The following LRRC4C variants were observed in gnomAD, a reference collection of about 807,000 sequenced individuals.
LRRC4C encodes leucine-rich repeat-containing protein 4C.
Under a neutral mutation model 33.6 loss-of-function variants are expected in LRRC4C, and 5 were observed. The observed-to-expected ratio is 0.15, with a 90% CI of 0.08 to 0.31. LRRC4C has a LOEUF of 0.31. Among genes scored for constraint, LRRC4C ranks in the 10% least tolerant of loss-of-function variants. The pLI is 1.00. For missense variants in LRRC4C, 560 were observed against 796.7 expected, an observed-to-expected ratio of 0.70 and a Z score of 3.58; for synonymous variants, 329 against 302.0, an observed-to-expected ratio of 1.09 and a Z score of -0.93.
At chr11:40,378,610 A>G (rs1223752430) in intron 3 of LRRC4C, among the ~76,000 whole-genome samples, 1 of 152,068 alleles carries the variant, frequency 6.6e-6, no homozygotes, top group Non-Finnish European at 1.5e-5. Flanking sequence ...AGCTTTGTGG[A>G]GTAGTGAATG....
At position 41,277,332 on chromosome 11, in the gene LRRC4C, T is replaced by C. The variant is rs1280398162; in HGVS notation, c.-496+182099A>G. 3.9e-5 allele frequency among the ~76,000 whole-genome samples: 6 copies of C among 152,188 alleles called. No homozygotes were observed. In the East Asian group the frequency reaches 9.6e-4, roughly 24 times the overall value. On this transcript the variant is annotated intron_variant, in intron 1 of 6. Coordinates refer to ENST00000528697, the MANE Select transcript of LRRC4C (RefSeq NM_001258419.2). ...GATCTTCTGATAAACTGAATATTAT[T>C]TGCCATTACACTCAATTTTTAAATC...
At chr11:41,050,585 T>A (rs1482595904) in intron 1 of LRRC4C, among the ~76,000 whole-genome samples, 1 of 152,148 alleles carries the variant, frequency 6.6e-6, no homozygotes, top group African/African-American at 2.4e-5. Context: ...GAATGATGGT[T>A]TCCAGCTTCA....
intron 2 of LRRC4C, among the ~76,000 whole-genome samples, chr11:40,783,261 G>A (rs1235576065): frequency 2.0e-5 from 3 of 151,236 alleles, no homozygotes; most frequent in East Asian, 3.9e-4. Flanking sequence ...ATTTGGCTAA[G>A]TGAGCACTGT....
chr11:40,315,001 T>C (rs1945505637), intron 4 of LRRC4C, among the ~76,000 whole-genome samples: 1 of 152,026 alleles, frequency 6.6e-6, no homozygotes, highest in African/African-American at 2.4e-5. Context: ...ATCGGACAAC[T>C]GTAGTTAACA....
intron 1 of LRRC4C, among the ~76,000 whole-genome samples, chr11:41,235,491 C>T (rs1238823647): frequency 6.6e-6 from 1 of 152,054 alleles, no homozygotes; most frequent in Non-Finnish European, 1.5e-5. Flanking sequence ...ACTTAGTAGG[C>T]AAGCAACATT....
chr11:40,305,617 A>G (rs1056424688), intron 4 of LRRC4C, among the ~76,000 whole-genome samples: 1 of 152,120 alleles, frequency 6.6e-6, no homozygotes, highest in Non-Finnish European at 1.5e-5. Flanking sequence ...TACAAAAAAA[A>G]AAAAAAGGAA....
At chr11:41,223,640 C>A (rs531156387) in intron 1 of LRRC4C, among the ~76,000 whole-genome samples, 1 of 152,282 alleles carries the variant, frequency 6.6e-6, no homozygotes, top group African/African-American at 2.4e-5. Flanking sequence ...TTTCTGCCTG[C>A]AGATTGCCTG....
At chr11:41,021,191 GA>G (rs1855945518) in intron 1 of LRRC4C, among the ~76,000 whole-genome samples, 2 of 148,212 alleles carry the variant, frequency 1.3e-5, no homozygotes, top group African/African-American at 5.0e-5. Flanking sequence ...GAGAGAGAGA[GA>G]GAGAGAGAGA....
At chr11:40,912,063 C>A (rs889939273) in intron 2 of LRRC4C, among the ~76,000 whole-genome samples, 3 of 152,180 alleles carry the variant, frequency 2.0e-5, no homozygotes, top group African/African-American at 4.8e-5. Flanking sequence ...ACCAAATCTA[C>A]ATCTGATTAG....
chr11:40,331,470 A>G (rs756288914), intron 3 of LRRC4C, among the ~76,000 whole-genome samples: 32 of 152,212 alleles, frequency 2.1e-4, no homozygotes, highest in Non-Finnish European at 3.8e-4. Context: ...AATACTATTT[A>G]TCTATAAAAA....
chr11:40,518,949 A>G (rs536311758), intron 3 of LRRC4C, among the ~76,000 whole-genome samples: 1 of 152,322 alleles, frequency 6.6e-6, no homozygotes, highest in African/African-American at 2.4e-5. Context: ...TTGCAGGGAC[A>G]TGAAGCTGGA....
chr11:40,206,389 T>C lies in LRRC4C; in HGVS notation c.-96+35130A>G, dbSNP rs1863153753. 2.7e-5 allele frequency among the ~76,000 whole-genome samples: 4 copies of C among 146,834 alleles called. No homozygotes were observed. In the Admixed American group the frequency reaches 2.8e-4, roughly 10 times the overall value. Reference sequence around the variant, plus strand: ...TACCTGGGATTACAGGCACCTGCCATCATGCCCAGCTAATTTTTGTATTTT... The same window carrying C: ...TACCTGGGATTACAGGCACCTGCCACCATGCCCAGCTAATTTTTGTATTTT... On this transcript the variant is annotated intron_variant, in intron 5 of 6. Transcript: ENST00000528697.
chr11:41,283,910 A>T lies in LRRC4C; in HGVS notation c.-496+175521T>A, dbSNP rs142542258. ...ATGGTAAAATACAGGTAATAATAGTACCTATCTTTTAGGGTTTTTGTAATC... is the reference window on the plus strand; with the variant it reads ...ATGGTAAAATACAGGTAATAATAGTTCCTATCTTTTAGGGTTTTTGTAATC... On this transcript the variant is annotated intron_variant, in intron 1 of 6. Transcript: ENST00000528697. 2.7e-4 allele frequency among the ~76,000 whole-genome samples: 41 copies of T among 152,344 alleles called. No homozygotes were observed. The East Asian group carries it at 7.7e-3, about 29-fold the overall frequency.
At chr11:41,105,542 G>A (rs1020832820) in intron 1 of LRRC4C, among the ~76,000 whole-genome samples, 4 of 151,984 alleles carry the variant, frequency 2.6e-5, no homozygotes, top group Non-Finnish European at 5.9e-5. Flanking sequence ...AATATTTATT[G>A]AATTAAAATC....
intron 1 of LRRC4C, among the ~76,000 whole-genome samples, chr11:41,170,496 A>C (rs1335168073): frequency 2.0e-5 from 3 of 152,204 alleles, no homozygotes; most frequent in Non-Finnish European, 2.9e-5. Flanking sequence ...CAAAAACAAG[A>C]AATGGGGAAA....
intron 2 of LRRC4C, among the ~76,000 whole-genome samples, chr11:40,715,767 A>G (rs945315223): frequency 7.9e-5 from 12 of 152,182 alleles, no homozygotes; most frequent in Non-Finnish European, 1.3e-4. Flanking sequence ...GCTCATGCCT[A>G]TAATCCCAGC....
At chr11:41,258,620 A>T (rs925455090) in intron 1 of LRRC4C, among the ~76,000 whole-genome samples, 1 of 152,002 alleles carries the variant, frequency 6.6e-6, no homozygotes, top group Non-Finnish European at 1.5e-5. Context: ...TATTGAGAAC[A>T]AGAGTATGTT....
At chr11:40,812,990 T>A (rs1438078390) in intron 2 of LRRC4C, among the ~76,000 whole-genome samples, 1 of 152,196 alleles carries the variant, frequency 6.6e-6, no homozygotes, top group Non-Finnish European at 1.5e-5. Flanking sequence ...CACATTAACA[T>A]CTTGAAATAC....
intron 1 of LRRC4C, among the ~76,000 whole-genome samples, chr11:41,281,812 G>A (rs1273610416): frequency 1.3e-5 from 2 of 152,240 alleles, no homozygotes; most frequent in Admixed American, 1.3e-4. Flanking sequence ...AGTTTGTGGA[G>A]TTTAGTGGAG....
Sources: gnomAD v4.1 joint callset for allele counts (sites outside exome capture counted in the v4.1 genomes callset) on GRCh38, gnomAD v4.1.1 for gene constraint, MANE v1.5 for transcripts, NCBI Gene and HGNC (gene_info 2026-07-23, HGNC 2026-07-21) for gene names.